Variants in PTER observed in about 807,000 individuals in gnomAD.
PTER encodes phosphotriesterase related, also known as N-acetyltaurine hydrolase.
PTER carries 38 observed loss-of-function variants against 29.6 expected under a neutral mutation model. The observed-to-expected ratio is 1.28, with a 90% confidence interval of 0.99 to 1.68. The LOEUF (loss-of-function observed/expected upper bound fraction) is 1.68, where lower values mean the gene tolerates loss of function less well. PTER is among the 40% of genes most tolerant of loss of function. PTER has a pLI of 0.00. For missense variants in PTER, 482 were observed against 427.8 expected (o/e 1.13, Z -1.12); for synonymous variants, 172 against 154.5 (o/e 1.11, Z -0.84).
downstream of PTER, among the ~76,000 whole-genome samples, chr10:16,514,879 A>G (rs913207813): frequency 6.6e-6 from 1 of 152,172 alleles, no homozygotes; most frequent in Non-Finnish European, 1.5e-5. Context: ...AGTTTCCGCT[A>G]CGTTAGTGAG....
intron 1 of PTER, among the ~76,000 whole-genome samples, chr10:16,468,919 G>A (rs576171557): frequency 1.3e-5 from 2 of 152,116 alleles, no homozygotes; most frequent in South Asian, 2.1e-4. Context: ...AGGCTGCAAT[G>A]AGCTACGATC....
chr10:16,448,251 A>C (rs1055555621), intron 1 of PTER, among the ~76,000 whole-genome samples: 4 of 152,176 alleles, frequency 2.6e-5, no homozygotes, highest in African/African-American at 9.7e-5. Context: ...GCCACTGACA[A>C]CTTGGGCACC....
chr10:16,447,027 G>A (rs9787659), intron 1 of PTER, among the ~76,000 whole-genome samples: 18,502 of 151,694 alleles, frequency 0.12, 1,426 homozygotes, highest in South Asian at 0.25. Context: ...GACTTCAGGC[G>A]ATCTGCCTCC....
chr10:16,504,284 T>C (rs1836475803), intron 3 of PTER, among the ~76,000 whole-genome samples: 1 of 152,246 alleles, frequency 6.6e-6, no homozygotes, highest in Non-Finnish European at 1.5e-5. Context: ...CCTGTACTTG[T>C]CTTACATTTC....
At chr10:16,506,733 G>C (rs11815422) in intron 4 of PTER, among the ~76,000 whole-genome samples, 1 of 151,898 alleles carries the variant, frequency 6.6e-6, no homozygotes, top group Non-Finnish European at 1.5e-5. Context: ...ATGTCCTCTA[G>C]TGTCTCTGTG....
Position 16,498,804 on chromosome 10 carries a change from G to A in PTER, c.699-6216G>A, listed in dbSNP as rs1836217954. 2.0e-5 allele frequency among the ~76,000 whole-genome samples: 3 copies of A among 152,160 alleles called. No individual in the cohort carries two copies. In the South Asian group the frequency reaches 6.2e-4, roughly 32 times the overall value. The stretch of plus-strand genomic sequence containing the variant: ...GACATTAGGGGTCAACCCTCTCCAA[G>A]TGAAAAAGAAAGTCACTTGCATAAA... On this transcript the variant is annotated intron_variant, in intron 3 of 4. Transcript: ENST00000535784.
intron 4 of PTER, among the ~76,000 whole-genome samples, chr10:16,509,691 A>G (rs1836735544): frequency 6.6e-6 from 1 of 152,154 alleles, no homozygotes; most frequent in Non-Finnish European, 1.5e-5. Context: ...TAATTCCCCT[A>G]AACTGAGTGT....
At chr10:16,448,687 C>T (rs1041666776) in intron 1 of PTER, among the ~76,000 whole-genome samples, 2 of 152,146 alleles carry the variant, frequency 1.3e-5, no homozygotes, top group African/African-American at 4.8e-5. Flanking sequence ...AGCATAATGT[C>T]ATCAATGTAA....
intron 1 of PTER, among the ~76,000 whole-genome samples, chr10:16,447,359 C>T (rs1391849465): frequency 6.6e-6 from 1 of 151,942 alleles, no homozygotes; most frequent in Non-Finnish European, 1.5e-5. Flanking sequence ...CCGCAACCTC[C>T]CAAAGTGCTA....
chr10:16,437,250 TCC>T (rs1283983830), intron 1 of PTER: 5 of 152,060 alleles, frequency 3.3e-5, no homozygotes, highest in African/African-American at 1.2e-4. Flanking sequence ...AGAGCGCCAG[TCC>T]CGTGTGGCGC....
chr10:16,458,401 T>A (rs114949154), intron 1 of PTER, among the ~76,000 whole-genome samples: 1,893 of 152,290 alleles, frequency 0.012, 30 homozygotes, highest in African/African-American at 0.043. Context: ...TATGCGATTA[T>A]GATATTATAG....
chr10:16,511,463 AT>A lies in PTER; in HGVS notation c.*211del. 1 of 561,294 alleles carries A rather than the reference AT, an allele frequency of 1.8e-6. No homozygotes were observed. Among genetic ancestry groups the A allele is most frequent in the Non-Finnish European group, 3.2e-6 (1 of 315,310 alleles). 34.8% of individuals were successfully genotyped at this position (561,294 alleles called of 1,614,324 possible). A position where few individuals can be genotyped will look rare whatever the true frequency, so the allele number is the denominator to read the frequency against. On this transcript the variant is annotated 3_prime_UTR_variant, in exon 5 of 5. Coordinates refer to ENST00000535784, the MANE Select transcript of PTER (RefSeq NM_001261836.2). Reference sequence around the variant, plus strand: ...TTACTCAGCCTAATTGAGCCCTATTATTTTAACTTAACAAAATAAATACAGA... The same window carrying A: ...TTACTCAGCCTAATTGAGCCCTATTATTTAACTTAACAAAATAAATACAGA...
intron 1 of PTER, among the ~76,000 whole-genome samples, chr10:16,477,867 C>G (rs576749811): frequency 6.6e-6 from 1 of 152,182 alleles, no homozygotes; most frequent in African/African-American, 2.4e-5. Context: ...CTTTACTGAT[C>G]AAATACAGCT....
chr10:16,451,100 C>T (rs940488486), intron 1 of PTER, among the ~76,000 whole-genome samples: 4 of 152,250 alleles, frequency 2.6e-5, no homozygotes, highest in African/African-American at 9.6e-5. Flanking sequence ...GGTGTAAGTA[C>T]AAGAGTCCGA....
At chr10:16,503,263 G>C (rs1588630316) in intron 3 of PTER, among the ~76,000 whole-genome samples, 1 of 151,200 alleles carries the variant, frequency 6.6e-6, no homozygotes, top group East Asian at 2.0e-4. Flanking sequence ...GTCTTGCTCT[G>C]TCACCCAGGC....
At chr10:16,471,278 G>A (rs899510509) in intron 1 of PTER, among the ~76,000 whole-genome samples, 8 of 152,302 alleles carry the variant, frequency 5.3e-5, no homozygotes, top group African/African-American at 1.7e-4. Flanking sequence ...TTCATAACTC[G>A]TTGCCTGCCT....
intron 1 of PTER, among the ~76,000 whole-genome samples, chr10:16,463,282 G>A (rs1374388692): frequency 6.6e-6 from 1 of 151,136 alleles, no homozygotes; most frequent in Non-Finnish European, 1.5e-5. Context: ...GAAGAACTCA[G>A]CCAAGCTCCT....
chr10:16,496,548 G>A (rs1353304517), intron 3 of PTER, among the ~76,000 whole-genome samples: 1 of 152,156 alleles, frequency 6.6e-6, no homozygotes. Context: ...CAATTCACCA[G>A]GGGTTTTCTC....
intron 3 of PTER, among the ~76,000 whole-genome samples, chr10:16,490,958 C>T (rs1835878128): frequency 6.6e-6 from 1 of 151,792 alleles, no homozygotes; most frequent in African/African-American, 2.4e-5. Context: ...GTATACACTA[C>T]ACCTATATAT....
Sources: allele counts gnomAD v4.1 joint callset (sites outside exome capture counted in the v4.1 genomes callset), GRCh38; gene constraint gnomAD v4.1.1; transcripts MANE v1.5; gene names NCBI Gene and HGNC (gene_info 2026-07-23, HGNC 2026-07-21).